Variants in ZZZ3 observed in about 807,000 individuals in gnomAD.
ZZZ3 encodes the protein zinc finger ZZ-type containing 3, also known as ZZ-type zinc finger-containing protein 3.
A neutral mutation model predicts 95.2 loss-of-function variants in ZZZ3; 22 were observed. The observed-to-expected ratio is 0.23, with a 90% CI of 0.17 to 0.33. The LOEUF is 0.33. ZZZ3 is among the 10% of genes least tolerant of loss of function. The pLI, the probability that ZZZ3 is intolerant of heterozygous loss-of-function variation, is 1.00. For synonymous variants in ZZZ3, 335 were observed against 358.9 expected, an observed-to-expected ratio of 0.93 and a Z score of 0.75; for missense variants, 885 against 1,066.5, an observed-to-expected ratio of 0.83 and a Z score of 2.37.
intron 11 of ZZZ3, among the ~76,000 whole-genome samples, chr1:77,576,995 T>C (rs1352920620): frequency 2.0e-5 from 3 of 152,208 alleles, no homozygotes; most frequent in Non-Finnish European, 4.4e-5. Flanking sequence ...GTTAAGTTTC[T>C]TGTTCAGTGT....
intron 1 of ZZZ3, among the ~76,000 whole-genome samples, chr1:77,648,836 A>G (rs545137723): frequency 5.9e-5 from 9 of 152,312 alleles, no homozygotes; most frequent in African/African-American, 1.9e-4. Context: ...TCACAGATCA[A>G]AGAAGCTCAA....
At chr1:77,648,259 G>A (rs1669472844) in intron 1 of ZZZ3, among the ~76,000 whole-genome samples, 1 of 149,076 alleles carries the variant, frequency 6.7e-6, no homozygotes, top group Non-Finnish European at 1.5e-5. Flanking sequence ...CGAGGTGGGA[G>A]TTTTGCTTGA....
intron 5 of ZZZ3, among the ~76,000 whole-genome samples, chr1:77,597,978 C>G: frequency 6.6e-6 from 1 of 152,054 alleles, no homozygotes; most frequent in East Asian, 1.9e-4. Context: ...TACAGTAACC[C>G]TGTAATATGT....
chr1:77,647,876 A>C (rs1047305382), intron 1 of ZZZ3, among the ~76,000 whole-genome samples: 1 of 152,196 alleles, frequency 6.6e-6, no homozygotes. Context: ...GTAGTGGTGC[A>C]AACTGAGCTC....
chr1:77,653,652 C>T (rs1039109262), intron 1 of ZZZ3, among the ~76,000 whole-genome samples: 2 of 151,922 alleles, frequency 1.3e-5, no homozygotes, highest in African/African-American at 4.8e-5. Context: ...ACTCGGGAGG[C>T]TGAGGCAGGA....
At chr1:77,566,224 C>A in intron 13 of ZZZ3, 43 bp from the exon 14 acceptor site, 1 of 1,389,854 alleles carries the variant, frequency 7.2e-7, no homozygotes, top group Non-Finnish European at 1.0e-6. Flanking sequence ...TTATACTGTT[C>A]CACGATCTTT....
rs200652891 is a variant in ZZZ3, at chr1:77,583,106, C to CA, written c.1645-981dup. Among the ~76,000 whole-genome samples the CA allele has an allele frequency of 0.021, 2,963 of 139,310 alleles. 490 individuals carry two copies. The East Asian group carries it at 0.45, about 21-fold the overall frequency. 91.4% of individuals were successfully genotyped at this position (139,310 alleles called of 152,430 possible). On this transcript the variant is annotated intron_variant, in intron 6 of 14. Coordinates refer to ENST00000370801, the MANE Select transcript of ZZZ3 (RefSeq NM_015534.6). ...TGGGTGACCTAGTGAGATTCCATCT[C>CA]AAAAAAAAAAGAAAAAAGAAAGAAA...
chr1:77,672,584 C>A (rs113087659), intron 1 of ZZZ3, among the ~76,000 whole-genome samples: 4 of 152,200 alleles, frequency 2.6e-5, no homozygotes, highest in African/African-American at 9.7e-5. Context: ...ACTCTAAGGG[C>A]AGAGCCCAGA....
intron 5 of ZZZ3, among the ~76,000 whole-genome samples, chr1:77,599,531 T>C (rs1414978631): frequency 1.3e-5 from 2 of 152,064 alleles, no homozygotes; most frequent in Admixed American, 6.6e-5. Context: ...CAAATACTAA[T>C]TTATCTGTAA....
intron 1 of ZZZ3, among the ~76,000 whole-genome samples, chr1:77,654,415 T>A (rs1670086183): frequency 6.6e-6 from 1 of 151,974 alleles, no homozygotes; most frequent in South Asian, 2.1e-4. Context: ...GACAAAAAAA[T>A]TACAAGAAAT....
intron 1 of ZZZ3, among the ~76,000 whole-genome samples, chr1:77,651,660 C>A (rs1481135223): frequency 1.3e-5 from 2 of 151,998 alleles, no homozygotes; most frequent in Non-Finnish European, 2.9e-5. Flanking sequence ...GGAGATGGAC[C>A]ACAGTGATGG....
intron 5 of ZZZ3, among the ~76,000 whole-genome samples, chr1:77,588,907 G>A (rs967501031): frequency 6.6e-6 from 1 of 152,172 alleles, no homozygotes; most frequent in African/African-American, 2.4e-5. Flanking sequence ...TTGAGACAGG[G>A]AGTCGCTGTG....
intron 5 of ZZZ3, among the ~76,000 whole-genome samples, chr1:77,598,207 G>A (rs772372740): frequency 1.1e-4 from 16 of 152,050 alleles, no homozygotes; most frequent in Admixed American, 6.6e-5. Flanking sequence ...CAGATATTTT[G>A]TATGATACCT....
intron 5 of ZZZ3, among the ~76,000 whole-genome samples, chr1:77,631,539 T>C (rs943958721): frequency 6.6e-6 from 1 of 152,154 alleles, no homozygotes; most frequent in African/African-American, 2.4e-5. Flanking sequence ...ACTCAATGTG[T>C]TTCCATTGTA....
chr1:77,654,845 T>TTC (rs925555298), intron 1 of ZZZ3, among the ~76,000 whole-genome samples: 4 of 152,072 alleles, frequency 2.6e-5, no homozygotes, highest in African/African-American at 9.7e-5. Context: ...TAGAGACAAG[T>TTC]TCTATGTTGC....
chr1:77,625,703 G>T (rs1015738366), intron 5 of ZZZ3, among the ~76,000 whole-genome samples: 8 of 151,858 alleles, frequency 5.3e-5, no homozygotes, highest in Admixed American at 3.9e-4. Context: ...AAAAAGAAAA[G>T]GTTAAGCCAG....
intron 1 of ZZZ3, among the ~76,000 whole-genome samples, chr1:77,669,170 A>C (rs1270508105): frequency 6.6e-6 from 1 of 152,204 alleles, no homozygotes; most frequent in Non-Finnish European, 1.5e-5. Context: ...ACAGAAACAC[A>C]CAGTAGTTTT....
intron 5 of ZZZ3, among the ~76,000 whole-genome samples, chr1:77,626,627 A>T (rs1449477684): frequency 6.6e-6 from 1 of 152,114 alleles, no homozygotes; most frequent in Non-Finnish European, 1.5e-5. Context: ...CAGGCCATGG[A>T]CTGGTTGGGG....
At chr1:77,627,021 C>A (rs1667400290) in intron 5 of ZZZ3, among the ~76,000 whole-genome samples, 1 of 152,030 alleles carries the variant, frequency 6.6e-6, no homozygotes, top group South Asian at 2.1e-4. Flanking sequence ...AATTACAGAA[C>A]CTAACCTCAG....
Sources: allele counts gnomAD v4.1 joint callset (sites outside exome capture counted in the v4.1 genomes callset), GRCh38; gene constraint gnomAD v4.1.1; transcripts MANE v1.5; gene names NCBI Gene and HGNC (gene_info 2026-07-23, HGNC 2026-07-21).